SGCZ: variants seen among roughly 807,000 people sequenced by gnomAD.
SGCZ encodes the protein zeta-sarcoglycan.
Under a neutral mutation model 41.3 loss-of-function variants are expected in SGCZ, and 40 were observed. That is an observed-to-expected ratio of 0.97 (90% CI 0.75 to 1.26). The LOEUF (loss-of-function observed/expected upper bound fraction) is 1.26, where lower values mean the gene tolerates loss of function less well. Among genes scored for constraint, SGCZ ranks in the 50% most tolerant of loss-of-function variants. The pLI is 0.00. For missense variants in SGCZ, 552 were observed against 369.8 expected (o/e 1.49, Z -4.04); for synonymous variants, 206 against 137.5 (o/e 1.50, Z -3.49).
At chr8:14,470,862 G>T (rs1451948141) in intron 2 of SGCZ, among the ~76,000 whole-genome samples, 1 of 152,114 alleles carries the variant, frequency 6.6e-6, no homozygotes, top group African/African-American at 2.4e-5. Context: ...AGTTCTTTGT[G>T]TATTTAGACA....
At position 15,238,062 on chromosome 8, in the gene SGCZ, A is replaced by T. The variant is rs1418902493; in HGVS notation, c.-439T>A. ...CAAATGTGTTCAAACTGAAGAGAAGAGTGTATGATAAAAGGCTTCCTCCGT... is the reference window on the plus strand; with the variant it reads ...CAAATGTGTTCAAACTGAAGAGAAGTGTGTATGATAAAAGGCTTCCTCCGT... On this transcript the variant is annotated 5_prime_UTR_variant, in exon 1 of 8. Coordinates refer to ENST00000382080, the MANE Select transcript of SGCZ (RefSeq NM_139167.4). The T allele has an allele frequency of 6.3e-6, 1 of 158,378 alleles. No individual in the cohort carries two copies. Among genetic ancestry groups the T allele is most frequent in the Non-Finnish European group, 1.4e-5 (1 of 71,784 alleles). 9.8% of individuals were successfully genotyped at this position (158,378 alleles called of 1,614,324 possible).
chr8:14,305,679 T>G (rs1445853236), intron 3 of SGCZ, among the ~76,000 whole-genome samples: 1 of 152,174 alleles, frequency 6.6e-6, no homozygotes, highest in Admixed American at 6.6e-5. Flanking sequence ...ATAGTCTTTG[T>G]GGTAGCTTGC....
intron 1 of SGCZ, among the ~76,000 whole-genome samples, chr8:14,627,364 A>T (rs935471809): frequency 2.0e-5 from 3 of 152,096 alleles, no homozygotes; most frequent in African/African-American, 4.8e-5. Flanking sequence ...CCTCAAATCC[A>T]TATATAGAAT....
intron 2 of SGCZ, among the ~76,000 whole-genome samples, chr8:14,348,138 A>G (rs1347098435): frequency 6.6e-6 from 1 of 152,064 alleles, no homozygotes; most frequent in African/African-American, 2.4e-5. Context: ...GCTGTAACCA[A>G]TATGGTATCA....
At chr8:14,264,705 T>G (rs1405458268) in intron 3 of SGCZ, among the ~76,000 whole-genome samples, 3 of 152,192 alleles carry the variant, frequency 2.0e-5, no homozygotes, top group Non-Finnish European at 4.4e-5. Context: ...CTCACGCCTG[T>G]AATCCCAGCA....
chr8:15,088,363 A>G lies in SGCZ; in HGVS notation c.39+149222T>C, dbSNP rs201270827. On this transcript the variant is annotated intron_variant, in intron 1 of 7. Coordinates refer to ENST00000382080, the MANE Select transcript of SGCZ (RefSeq NM_139167.4). ...AAATTATTTAATTTTCTACTGTCCA[A>G]TTACATTAATTCTGCTCAAAGGTAT... Among the ~76,000 whole-genome samples the G allele has an allele frequency of 1.6e-4, 25 of 152,268 alleles. No individual in the cohort carries two copies. The East Asian group carries it at 4.4e-3, about 27-fold the overall frequency.
intron 2 of SGCZ, among the ~76,000 whole-genome samples, chr8:14,460,329 C>T (rs1476320354): frequency 1.3e-5 from 2 of 152,020 alleles, no homozygotes; most frequent in Non-Finnish European, 2.9e-5. Flanking sequence ...AACTCAAAAG[C>T]CTAAATTCAG....
intron 1 of SGCZ, among the ~76,000 whole-genome samples, chr8:14,744,519 A>T (rs780899437): frequency 8.5e-5 from 13 of 152,148 alleles, no homozygotes; most frequent in Non-Finnish European, 1.8e-4. Flanking sequence ...CTGGAGAAGT[A>T]ACTGAATTTA....
intron 5 of SGCZ, among the ~76,000 whole-genome samples, chr8:14,119,710 G>A (rs950946947): frequency 2.6e-5 from 4 of 152,040 alleles, no homozygotes; most frequent in Non-Finnish European, 4.4e-5. Flanking sequence ...GTCATAAATA[G>A]CTCTTATTAT....
chr8:14,170,084 T>C lies in SGCZ; in HGVS notation c.425-5382A>G, dbSNP rs73524158. 7.0e-3 allele frequency among the ~76,000 whole-genome samples: 1,061 copies of C among 151,992 alleles called. 17 individuals are homozygous for C. The highest frequency in any genetic ancestry group is 0.024 in the African/African-American group (1,006 of 41,454). On this transcript the variant is annotated intron_variant, in intron 4 of 7. Transcript: ENST00000382080. ...TTTTTTTTTTTTTACTTTTCCTTTATTCTTTGAGTTTTCATATATTATTCT... is the reference window on the plus strand; with the variant it reads ...TTTTTTTTTTTTTACTTTTCCTTTACTCTTTGAGTTTTCATATATTATTCT...
intron 2 of SGCZ, among the ~76,000 whole-genome samples, chr8:14,361,609 T>C (rs1336573557): frequency 6.6e-6 from 1 of 152,152 alleles, no homozygotes; most frequent in Non-Finnish European, 1.5e-5. Context: ...TTAGCTTCCT[T>C]GCGATGGGTT....
intron 1 of SGCZ, among the ~76,000 whole-genome samples, chr8:14,968,884 G>A (rs1055895331): frequency 2.0e-5 from 3 of 152,080 alleles, no homozygotes. Context: ...TAATGACCTA[G>A]ATGGCTTTTC....
intron 1 of SGCZ, among the ~76,000 whole-genome samples, chr8:14,726,830 ACTGT>A (rs1000911014): frequency 8.5e-5 from 13 of 152,130 alleles, no homozygotes; most frequent in African/African-American, 1.9e-4. Context: ...TCTGCCAAAT[ACTGT>A]CTGTCACCTG....
chr8:14,821,278 G>T (rs1585290946), intron 1 of SGCZ, among the ~76,000 whole-genome samples: 1 of 151,766 alleles, frequency 6.6e-6, no homozygotes, highest in Non-Finnish European at 1.5e-5. Flanking sequence ...TGAGGAAATA[G>T]AAAAACTGAA....
At chr8:15,191,477 T>A (rs891278577) in intron 1 of SGCZ, among the ~76,000 whole-genome samples, 1 of 152,024 alleles carries the variant, frequency 6.6e-6, no homozygotes, top group Non-Finnish European at 1.5e-5. Context: ...GAAAACAATT[T>A]AAGATTTTAA....
intron 4 of SGCZ, among the ~76,000 whole-genome samples, chr8:14,197,703 C>G (rs967291980): frequency 3.3e-5 from 5 of 152,004 alleles, no homozygotes; most frequent in Non-Finnish European, 5.9e-5. Flanking sequence ...AATCTAACAT[C>G]ATATTTAATA....
At chr8:14,472,967 G>T (rs1455728374) in intron 2 of SGCZ, among the ~76,000 whole-genome samples, 2 of 152,100 alleles carry the variant, frequency 1.3e-5, no homozygotes, top group Admixed American at 6.6e-5. Context: ...GCAAGACCCG[G>T]TTGGTGTTAA....
chr8:14,881,942 A>G (rs546426345), intron 1 of SGCZ, among the ~76,000 whole-genome samples: 12 of 152,326 alleles, frequency 7.9e-5, no homozygotes, highest in Admixed American at 5.2e-4. Context: ...CCAAAGAACT[A>G]CATGGAAATT....
intron 1 of SGCZ, among the ~76,000 whole-genome samples, chr8:15,040,381 G>A (rs1251406464): frequency 1.3e-5 from 2 of 152,102 alleles, no homozygotes; most frequent in South Asian, 2.1e-4. Context: ...TTGAAAGGCC[G>A]AGGCGGACGG....
Sources: gnomAD v4.1 joint callset for allele counts (sites outside exome capture counted in the v4.1 genomes callset) on GRCh38, gnomAD v4.1.1 for gene constraint, MANE v1.5 for transcripts, NCBI Gene and HGNC (gene_info 2026-07-23, HGNC 2026-07-21) for gene names.